The following COL23A1 variants were observed in gnomAD, a reference collection of about 807,000 sequenced individuals.
The protein encoded by COL23A1 is collagen type XXIII alpha 1 chain.
A neutral mutation model predicts 99.3 loss-of-function variants in COL23A1; 97 were observed. The ratio of observed to expected loss-of-function variants is 0.98; its 90% CI spans 0.83 to 1.16. The LOEUF (loss-of-function observed/expected upper bound fraction) is 1.16. Ranked by LOEUF, COL23A1 falls within the 50% of genes most tolerant of loss-of-function variation. The pLI is 0.00. For missense variants in COL23A1, 762 were observed against 757.4 expected (o/e 1.01, Z -0.07); for synonymous variants, 320 against 308.2 (o/e 1.04, Z -0.40).
At chr5:178,305,456 C>G (rs1758299277) in intron 3 of COL23A1, among the ~76,000 whole-genome samples, 1 of 152,178 alleles carries the variant, frequency 6.6e-6, no homozygotes, top group Non-Finnish European at 1.5e-5. Context: ...GGCTTCGTCA[C>G]CATGGCCACC....
At chr5:178,270,854 G>A (rs1255351345) in intron 5 of COL23A1, among the ~76,000 whole-genome samples, 2 of 152,248 alleles carry the variant, frequency 1.3e-5, no homozygotes, top group African/African-American at 2.4e-5. Context: ...AGACAGCGTC[G>A]AGGGCCTGAA....
intron 3 of COL23A1, among the ~76,000 whole-genome samples, chr5:178,299,500 C>T (rs1378484428): frequency 2.0e-5 from 3 of 152,052 alleles, no homozygotes; most frequent in Non-Finnish European, 4.4e-5. Context: ...ATGTACCTTC[C>T]TTTCAGCCCT....
At position 178,242,082 on chromosome 5, in the gene COL23A1, C is replaced by T; in HGVS notation, c.1541G>A (p.Gly514Asp). 1 of 1,553,656 alleles carries T rather than the reference C, an allele frequency of 6.4e-7. No homozygotes were observed. The highest frequency in any genetic ancestry group is 8.7e-7 in the Non-Finnish European group (1 of 1,148,248). Residue 514 changes from glycine to aspartate, a missense_variant, in exon 27 of 29, where the codon GGC (glycine) becomes GAC (aspartate). Transcript: ENST00000390654. Reference sequence around the variant, plus strand: ...GTCCAGGCCTGGTGGTCCCGGCTCGCCCTTCTGGCCCTTCACTCCTTTCCG... The same window carrying T: ...GTCCAGGCCTGGTGGTCCCGGCTCGTCCTTCTGGCCCTTCACTCCTTTCCG... ...PGRKGVKGQKGEPGPPGLDQP... is the reference protein window; with the variant it reads ...PGRKGVKGQKDEPGPPGLDQP...
intron 2 of COL23A1, among the ~76,000 whole-genome samples, chr5:178,440,567 G>A (rs148743244): frequency 6.6e-5 from 10 of 152,076 alleles, no homozygotes; most frequent in African/African-American, 9.6e-5. Flanking sequence ...AAGAGAATGC[G>A]GTGTATACAG....
intron 1 of COL23A1, among the ~76,000 whole-genome samples, chr5:178,575,263 G>A (rs1763290193): frequency 6.6e-6 from 1 of 152,142 alleles, no homozygotes; most frequent in Admixed American, 6.5e-5. Context: ...TAATTGGGCA[G>A]TTAGGAAGCA....
intron 2 of COL23A1, among the ~76,000 whole-genome samples, chr5:178,400,105 A>G (rs1434393640): frequency 1.3e-5 from 2 of 152,078 alleles, no homozygotes; most frequent in Non-Finnish European, 2.9e-5. Flanking sequence ...TGTGGCTCAC[A>G]CCTGTAATCC....
intron 25 of COL23A1, 96 bp downstream of exon 25, chr5:178,245,846 G>A: frequency 7.1e-7 from 1 of 1,408,692 alleles, no homozygotes; most frequent in South Asian, 1.2e-5. Context: ...CTGGGGAAAG[G>A]GGTCACACTT....
chr5:178,356,222 G>GC (rs1761642549), intron 2 of COL23A1, among the ~76,000 whole-genome samples: 1 of 152,154 alleles, frequency 6.6e-6, no homozygotes, highest in Admixed American at 6.5e-5. Context: ...GAGGAGGACA[G>GC]CCAATGGGTA....
At chr5:178,532,098 C>T (rs1363965133) in intron 2 of COL23A1, among the ~76,000 whole-genome samples, 2 of 152,204 alleles carry the variant, frequency 1.3e-5, no homozygotes, top group Non-Finnish European at 2.9e-5. Flanking sequence ...AGAGCTCACT[C>T]GGAGACTCCC....
At chr5:178,482,874 C>T (rs1278375785) in intron 2 of COL23A1, among the ~76,000 whole-genome samples, 1 of 152,018 alleles carries the variant, frequency 6.6e-6, no homozygotes, top group Non-Finnish European at 1.5e-5. Context: ...TGCACTCCTG[C>T]CTGGGCAACA....
At chr5:178,273,757 G>C (rs1207371399) in intron 5 of COL23A1, among the ~76,000 whole-genome samples, 3 of 152,252 alleles carry the variant, frequency 2.0e-5, no homozygotes, top group Non-Finnish European at 4.4e-5. Context: ...TCTGTGTGGG[G>C]CAGTGGCTGA....
At chr5:178,380,056 G>A (rs968056170) in intron 2 of COL23A1, among the ~76,000 whole-genome samples, 2 of 152,106 alleles carry the variant, frequency 1.3e-5, no homozygotes, top group Non-Finnish European at 2.9e-5. Context: ...AACCGATGCT[G>A]CCTCCAACAT....
intron 1 of COL23A1, chr5:178,561,927 G>A (rs1211610215): frequency 5.8e-6 from 2 of 344,956 alleles, no homozygotes; most frequent in Admixed American, 7.1e-5. Context: ...CCGGAAAGGC[G>A]CTTCACAGTT....
At chr5:178,498,248 A>G (rs1758325953) in intron 2 of COL23A1, among the ~76,000 whole-genome samples, 1 of 71,762 alleles carries the variant, frequency 1.4e-5, no homozygotes, top group Non-Finnish European at 2.4e-5. Context: ...ATATATATAT[A>G]TATATATATA....
intron 2 of COL23A1, among the ~76,000 whole-genome samples, chr5:178,353,947 AAAAAAAACC>A (rs199613558): frequency 0.018 from 2,686 of 151,886 alleles, 30 homozygotes; most frequent in Non-Finnish European, 0.029. Flanking sequence ...GTTAAAAAAA[AAAAAAAACC>A]AAAAAAACCC....
chr5:178,496,939 A>T (rs188565337), intron 2 of COL23A1, among the ~76,000 whole-genome samples: 1 of 152,300 alleles, frequency 6.6e-6, no homozygotes, highest in African/African-American at 2.4e-5. Context: ...GTGAGACCTG[A>T]TTTTTAAGGC....
At chr5:178,336,251 A>G (rs1472680715) in intron 2 of COL23A1, among the ~76,000 whole-genome samples, 2 of 152,214 alleles carry the variant, frequency 1.3e-5, no homozygotes, top group African/African-American at 4.8e-5. Context: ...ATCCCAAATA[A>G]CTGAAAACAA....
intron 2 of COL23A1, among the ~76,000 whole-genome samples, chr5:178,337,383 C>T (rs1267958795): frequency 6.6e-6 from 1 of 152,214 alleles, no homozygotes; most frequent in East Asian, 1.9e-4. Context: ...ACTCTGGAGG[C>T]GGGCTCTAAT....
At chr5:178,504,743 C>T (rs1054936972) in intron 2 of COL23A1, among the ~76,000 whole-genome samples, 3 of 152,288 alleles carry the variant, frequency 2.0e-5, no homozygotes, top group East Asian at 1.9e-4. Flanking sequence ...ACATGCACTG[C>T]GTAGGTGAGA....
Sources: allele counts gnomAD v4.1 joint callset (sites outside exome capture counted in the v4.1 genomes callset), GRCh38; gene constraint gnomAD v4.1.1; transcripts MANE v1.5; gene names NCBI Gene and HGNC (gene_info 2026-07-23, HGNC 2026-07-21).